STK32C: variants seen among roughly 807,000 people sequenced by gnomAD.
STK32C encodes serine/threonine kinase 32C, also known as serine/threonine-protein kinase 32C.
STK32C carries 31 observed loss-of-function variants against 56.5 expected under a neutral mutation model. The ratio of observed to expected loss-of-function variants is 0.55; its 90% CI spans 0.41 to 0.74. The LOEUF (loss-of-function observed/expected upper bound fraction) is 0.74, where lower values mean the gene tolerates loss of function less well. Ranked by LOEUF, STK32C falls within the 30% of genes least tolerant of loss-of-function variation. STK32C has a pLI of 0.00. For synonymous variants in STK32C, 309 were observed against 289.4 expected (o/e 1.07, Z -0.69); for missense variants, 544 against 676.9 (o/e 0.80, Z 2.18).
At chr10:132,270,616 C>T (rs1028696515) in intron 1 of STK32C, among the ~76,000 whole-genome samples, 7 of 152,220 alleles carry the variant, frequency 4.6e-5, no homozygotes, top group South Asian at 2.1e-4. Flanking sequence ...GCCTGCTCCC[C>T]GGCCTGCCGG....
intron 1 of STK32C, among the ~76,000 whole-genome samples, chr10:132,263,542 G>A (rs995801729): frequency 1.3e-5 from 2 of 151,952 alleles, no homozygotes; most frequent in African/African-American, 2.4e-5. Flanking sequence ...TCAGCATCAC[G>A]CAATATACCC....
At chr10:132,279,847 C>T (rs1157721990) in intron 1 of STK32C, among the ~76,000 whole-genome samples, 2 of 149,316 alleles carry the variant, frequency 1.3e-5, no homozygotes, top group East Asian at 4.0e-4. Flanking sequence ...CGCCACTGCA[C>T]CCCATCATCA....
intron 1 of STK32C, among the ~76,000 whole-genome samples, chr10:132,253,496 GTCGAGGGAGCTGAGGGAGCTGAGGGA>G (rs2063986060): frequency 9.6e-6 from 1 of 104,622 alleles, no homozygotes; most frequent in Non-Finnish European, 2.0e-5. Flanking sequence ...GCTGGAGGGA[GTCGAGGGAGCTGAGGGAGCTGAGGGA>G]GCCGGAGGGA....
intron 1 of STK32C, among the ~76,000 whole-genome samples, chr10:132,300,965 G>C (rs1045621092): frequency 2.6e-5 from 4 of 152,160 alleles, no homozygotes; most frequent in African/African-American, 9.7e-5. Flanking sequence ...GCTCAACGGA[G>C]CTTTTTAGGT....
upstream of STK32C, among the ~76,000 whole-genome samples, chr10:132,310,037 G>A (rs143389915): frequency 4.9e-4 from 75 of 152,304 alleles, no homozygotes; most frequent in Non-Finnish European, 8.5e-4. The surrounding 1 kb of genome is among the most constrained non-coding windows in gnomAD (Gnocchi z 4.6). Flanking sequence ...AGCCCAGGAC[G>A]CCTCCCCGGC....
intron 1 of STK32C, among the ~76,000 whole-genome samples, chr10:132,325,979 C>G (rs576128130): frequency 6.6e-6 from 1 of 152,196 alleles, no homozygotes; most frequent in Non-Finnish European, 1.5e-5. Flanking sequence ...CCTTGGCTTC[C>G]CAAAGTGCTG....
chr10:132,272,718 T>C (rs909352477), intron 1 of STK32C, among the ~76,000 whole-genome samples: 1 of 152,200 alleles, frequency 6.6e-6, no homozygotes, highest in African/African-American at 2.4e-5. Context: ...TAGAATCTAT[T>C]CTCAACAAAG....
At chr10:132,296,674 A>C (rs2065757700) in intron 1 of STK32C, among the ~76,000 whole-genome samples, 1 of 152,196 alleles carries the variant, frequency 6.6e-6, no homozygotes, top group Admixed American at 6.5e-5. Context: ...AAAAGCTATA[A>C]AGGAAGAAAG....
intron 1 of STK32C, among the ~76,000 whole-genome samples, chr10:132,329,401 G>GA (rs2066587435): frequency 6.6e-6 from 1 of 152,040 alleles, no homozygotes; most frequent in East Asian, 1.9e-4. Flanking sequence ...GTGACAGACT[G>GA]AGACCCTGTC....
intron 10 of STK32C, among the ~76,000 whole-genome samples, chr10:132,212,695 A>C (rs1286584750): frequency 6.6e-6 from 1 of 152,250 alleles, no homozygotes; most frequent in Non-Finnish European, 1.5e-5. Context: ...GAAATAAAAG[A>C]CATGACTCCG....
intron 1 of STK32C, among the ~76,000 whole-genome samples, chr10:132,283,699 G>A (rs142765700): frequency 1.3e-5 from 2 of 152,196 alleles, no homozygotes; most frequent in Admixed American, 6.5e-5. Context: ...GGGCTGTCAT[G>A]GAGATGACCC....
At chr10:132,281,435 T>C (rs1449960171) in intron 1 of STK32C, among the ~76,000 whole-genome samples, 2 of 152,156 alleles carry the variant, frequency 1.3e-5, no homozygotes, top group East Asian at 3.9e-4. Flanking sequence ...ATTCCTAACG[T>C]ACCTTACCGG....
intron 10 of STK32C, among the ~76,000 whole-genome samples, chr10:132,220,487 G>A (rs996746837): frequency 1.3e-5 from 2 of 152,178 alleles, no homozygotes; most frequent in Admixed American, 6.5e-5. Flanking sequence ...CATGGAACAC[G>A]AACCACGTCC....
intron 1 of STK32C, among the ~76,000 whole-genome samples, chr10:132,303,271 A>G (rs2065963720): frequency 6.6e-6 from 1 of 152,248 alleles, no homozygotes. Flanking sequence ...GTCAAGCGAT[A>G]CTCCCTACGG....
chr10:132,311,422 G>A (rs11592559), upstream of STK32C, among the ~76,000 whole-genome samples: 41,819 of 152,150 alleles, frequency 0.27, 6,315 homozygotes, highest in African/African-American at 0.37. The surrounding 1 kb of genome is among the most constrained non-coding windows in gnomAD (Gnocchi z 4.4). Flanking sequence ...TGGCCGTGGC[G>A]CCCTCAGATT....
chr10:132,212,193 T>C (rs1251357698), intron 10 of STK32C, among the ~76,000 whole-genome samples: 2 of 152,186 alleles, frequency 1.3e-5, no homozygotes, highest in East Asian at 3.9e-4. Context: ...GATCCTGATT[T>C]GAAAGCTTGC....
downstream of STK32C, among the ~76,000 whole-genome samples, chr10:132,322,258 T>C (rs771829919): frequency 2.6e-5 from 4 of 152,230 alleles, no homozygotes; most frequent in Non-Finnish European, 5.9e-5. Flanking sequence ...TATAAATGTA[T>C]CTCTATCTTT....
intron 1 of STK32C, among the ~76,000 whole-genome samples, chr10:132,258,407 C>A (rs767416015): frequency 2.6e-5 from 4 of 152,262 alleles, no homozygotes; most frequent in African/African-American, 7.2e-5. Context: ...GTGGCCCTGG[C>A]CGCCCCCCAT....
chr10:132,260,534 G>GTA (rs1392758224), intron 1 of STK32C, among the ~76,000 whole-genome samples: 1 of 152,216 alleles, frequency 6.6e-6, no homozygotes, highest in Non-Finnish European at 1.5e-5. Context: ...CCGTTGTCGG[G>GTA]TCCTGGGTGT....
Sources: gnomAD v4.1 joint callset for allele counts (sites outside exome capture counted in the v4.1 genomes callset) on GRCh38, gnomAD v4.1.1 for gene constraint, Gnocchi (gnomAD v3.1) non-coding constraint, MANE v1.5 for transcripts, NCBI Gene and HGNC (gene_info 2026-07-23, HGNC 2026-07-21) for gene names.